The following ECM2 variants were observed in gnomAD, a reference collection of about 807,000 sequenced individuals.
ECM2 encodes extracellular matrix protein 2, female organ and adipocyte specific.
Under a neutral mutation model 67.5 loss-of-function variants are expected in ECM2, and 57 were observed. The observed-to-expected ratio is 0.84, with a 90% CI of 0.68 to 1.05. The LOEUF (loss-of-function observed/expected upper bound fraction) is 1.05. Among genes scored for constraint, ECM2 ranks in the 50% least tolerant of loss-of-function variants. The pLI is 0.00. For synonymous variants in ECM2, 258 were observed against 294.5 expected (o/e 0.88, Z 1.27); for missense variants, 741 against 822.8 (o/e 0.90, Z 1.22).
the ECM2 span, among the ~76,000 whole-genome samples, chr9:92,546,086 A>G: frequency 6.6e-6 from 1 of 152,168 alleles, no homozygotes; most frequent in African/African-American, 2.4e-5. Context: ...TGTCTAGCTC[A>G]GGGTTTGTGA....
intron 9 of ECM2, among the ~76,000 whole-genome samples, chr9:92,497,171 CT>C (rs1450737271): frequency 6.6e-6 from 1 of 152,164 alleles, no homozygotes; most frequent in South Asian, 2.1e-4. Flanking sequence ...ACAAACTTAT[CT>C]TTTGTGGCAT....
chr9:92,499,567 C>A (rs1319521331), intron 9 of ECM2, among the ~76,000 whole-genome samples: 10 of 152,076 alleles, frequency 6.6e-5, no homozygotes, highest in Admixed American at 5.9e-4. Flanking sequence ...ATTTTAGAAT[C>A]AAAAAAGGTG....
At chr9:92,535,799 C>A in intron 1 of ECM2, 134 bp downstream of exon 1, 2 of 296,958 alleles carry the variant, frequency 6.7e-6, no homozygotes, top group Non-Finnish European at 1.3e-5. Flanking sequence ...CAGAATAATG[C>A]ATACTTTGAA....
At chr9:92,509,653 A>G (rs1255243840) in intron 6 of ECM2, among the ~76,000 whole-genome samples, 2 of 152,242 alleles carry the variant, frequency 1.3e-5, no homozygotes, top group African/African-American at 4.8e-5. Context: ...CTTGTGAATA[A>G]TAAGAACCTG....
downstream of ECM2, chr9:92,493,663 A>C (rs539691559): frequency 6.5e-6 from 1 of 154,426 alleles, no homozygotes; most frequent in African/African-American, 2.4e-5. Flanking sequence ...TATTGTGAAG[A>C]GTGTTTGCTA....
intron 9 of ECM2, among the ~76,000 whole-genome samples, chr9:92,498,142 C>G (rs1455844803): frequency 6.6e-6 from 1 of 152,144 alleles, no homozygotes; most frequent in Admixed American, 6.5e-5. Context: ...AGAGAGAAAA[C>G]TGCCCTTTTG....
intron 8 of ECM2, among the ~76,000 whole-genome samples, chr9:92,501,328 G>A (rs1846660645): frequency 6.6e-6 from 1 of 152,128 alleles, no homozygotes; most frequent in African/African-American, 2.4e-5. Context: ...TATCCCTAGA[G>A]GCAATACTGA....
the ECM2 span, among the ~76,000 whole-genome samples, chr9:92,558,806 T>C: frequency 7.9e-3 from 1,202 of 152,180 alleles, 8 homozygotes; most frequent in Non-Finnish European, 0.014. Context: ...TGGGTCTTGC[T>C]GCGGCTGCTG....
intron 9 of ECM2, among the ~76,000 whole-genome samples, chr9:92,500,459 AGGCGT>A (rs530135696): frequency 3.6e-3 from 545 of 152,406 alleles, no homozygotes; most frequent in Non-Finnish European, 6.1e-3. Flanking sequence ...CTGGAATTAC[AGGCGT>A]GAGCCACTGC....
At chr9:92,535,718 A>T (rs1849128837) in intron 1 of ECM2, among the ~76,000 whole-genome samples, 1 of 152,150 alleles carries the variant, frequency 6.6e-6, no homozygotes, top group Non-Finnish European at 1.5e-5. Flanking sequence ...CCACCTAAAC[A>T]TATAAAAATA....
chr9:92,494,056 G>T, downstream of ECM2: 1 of 1,595,430 alleles, frequency 6.3e-7, no homozygotes. Flanking sequence ...CTGCTTACTT[G>T]TCTGTTTGAT....
chr9:92,524,627 C>T (rs969351427), intron 1 of ECM2, among the ~76,000 whole-genome samples: 1 of 152,172 alleles, frequency 6.6e-6, no homozygotes, highest in Non-Finnish European at 1.5e-5. Context: ...GCTCTTGCCT[C>T]AGGTCCACTC....
In ECM2 at chr9:92,522,763, T is replaced by C. The variant is rs1478993929; in HGVS notation, c.104A>G (p.His35Arg). 1.2e-6 allele frequency: 2 copies of C among 1,614,054 alleles called. No individual in the cohort carries two copies. Among genetic ancestry groups the C allele is most frequent in the Admixed American group, 3.3e-5 (2 of 60,012 alleles). ...IPRKQRRKIYHRRLRKSSTSH... is the reference protein window; with the variant it reads ...IPRKQRRKIYRRRLRKSSTSH... Reference sequence around the variant, plus strand: ...GGTTGAACTTTTCCTCAACCTTCTGTGGTAGATCTTCCTCCTTTGCTTCCT... The same window carrying C: ...GGTTGAACTTTTCCTCAACCTTCTGCGGTAGATCTTCCTCCTTTGCTTCCT... Residue 35 changes from histidine (H) to arginine (R), a missense_variant, in exon 2 of 10, where the codon CAC becomes CGC. Transcript: ENST00000344604.
At chr9:92,498,158 T>C (rs1007801830) in intron 9 of ECM2, among the ~76,000 whole-genome samples, 3 of 152,216 alleles carry the variant, frequency 2.0e-5, no homozygotes, top group African/African-American at 7.2e-5. Context: ...TTTTGTGTAA[T>C]AATTTGTATA....
At chr9:92,510,731 A>G (rs715846) in intron 5 of ECM2, among the ~76,000 whole-genome samples, 8,826 of 152,300 alleles carry the variant, frequency 0.058, 920 homozygotes, top group East Asian at 0.44. Flanking sequence ...TCAAATTTCA[A>G]CAGTTTCGGA....
downstream of ECM2, chr9:92,494,037 A>G: frequency 6.3e-7 from 1 of 1,585,922 alleles, no homozygotes; most frequent in South Asian, 1.1e-5. Context: ...CTGACTGCAC[A>G]GCACTTGCCT....
At position 92,511,211 on chromosome 9, in the gene ECM2, C is replaced by T. The variant is rs546013278; in HGVS notation, c.1170+800G>A. On this transcript the variant is annotated intron_variant, in intron 5 of 9. Transcript: ENST00000344604. Reference sequence around the variant, plus strand: ...CGCGATCTCGGCTCACTGCAACCTCCGCCTCCCGAATTCAAGCGATTCTCC... The same window carrying T: ...CGCGATCTCGGCTCACTGCAACCTCTGCCTCCCGAATTCAAGCGATTCTCC... Among the ~76,000 whole-genome samples the T allele has an allele frequency of 2.0e-3, 310 of 152,148 alleles. 2 individuals are homozygous for T. Among genetic ancestry groups the T allele is most frequent in the African/African-American group, 7.1e-3 (293 of 41,526 alleles).
intron 1 of ECM2, among the ~76,000 whole-genome samples, chr9:92,526,373 CT>C (rs1848413061): frequency 6.6e-6 from 1 of 151,954 alleles, no homozygotes; most frequent in Non-Finnish European, 1.5e-5. Context: ...TTTTTAAATT[CT>C]TGAAACAAAT....
intron 1 of ECM2, among the ~76,000 whole-genome samples, chr9:92,528,619 A>G (rs1234125421): frequency 7.1e-6 from 1 of 141,512 alleles, no homozygotes; most frequent in East Asian, 1.9e-4. Context: ...GTGTTCCACC[A>G]GTCAGAGTGG....
Sources: allele counts gnomAD v4.1 joint callset (sites outside exome capture counted in the v4.1 genomes callset), GRCh38; gene constraint gnomAD v4.1.1; transcripts MANE v1.5; gene names NCBI Gene and HGNC (gene_info 2026-07-23, HGNC 2026-07-21).